ARHGAP24: variants seen among roughly 807,000 people sequenced by gnomAD.
The protein encoded by ARHGAP24 is rho GTPase-activating protein 24.
A neutral mutation model predicts 76.4 loss-of-function variants in ARHGAP24; 50 were observed. That is an observed-to-expected ratio of 0.65 (90% CI 0.52 to 0.83). ARHGAP24 has a LOEUF of 0.83. Among genes scored for constraint, ARHGAP24 ranks in the 40% least tolerant of loss-of-function variants. The probability of loss-of-function intolerance (pLI) is 0.00; values close to 1 mark genes in which losing one functional copy is unlikely to be tolerated. For synonymous variants in ARHGAP24, 345 were observed against 323.3 expected, an observed-to-expected ratio of 1.07 and a Z score of -0.72; for missense variants, 930 against 914.2, an observed-to-expected ratio of 1.02 and a Z score of -0.22.
chr4:85,780,626 G>T (rs539395653), intron 3 of ARHGAP24, among the ~76,000 whole-genome samples: 1 of 151,882 alleles, frequency 6.6e-6, no homozygotes, highest in African/African-American at 2.4e-5. Context: ...TGATTATTTT[G>T]TGCTGGGAGC....
rs1175813412 is a variant in ARHGAP24 at position 85,805,769 on chromosome 4, G to C, written c.268+83797G>C. On this transcript the variant is annotated intron_variant, in intron 3 of 9. Transcript: ENST00000395184. ...TCATTAACTTTTCCTGCTCCACAAA[G>C]AATGATGTTGATCAACTTTGAGCTT... Among the ~76,000 whole-genome samples, 3 of 152,274 alleles carry C rather than the reference G, an allele frequency of 2.0e-5. No homozygotes were observed. The East Asian group carries it at 5.8e-4, about 29-fold the overall frequency.
chr4:85,689,669 G>C (rs771886889), intron 2 of ARHGAP24, among the ~76,000 whole-genome samples: 6 of 152,150 alleles, frequency 3.9e-5, no homozygotes, highest in Non-Finnish European at 7.4e-5. Flanking sequence ...GATTACAGAC[G>C]TGAGCCAGCA....
chr4:85,924,169 A>G (rs750024581), intron 4 of ARHGAP24, among the ~76,000 whole-genome samples: 19 of 152,224 alleles, frequency 1.2e-4, no homozygotes, highest in Non-Finnish European at 1.6e-4. Context: ...GCTCAATTGT[A>G]TCAAAGAGGA....
chr4:85,915,225 G>A (rs1735312913), intron 3 of ARHGAP24, among the ~76,000 whole-genome samples: 1 of 152,146 alleles, frequency 6.6e-6, no homozygotes, highest in Non-Finnish European at 1.5e-5. Flanking sequence ...TCTTTGACAT[G>A]CTCAGCACAA....
chr4:85,518,824 CAT>C (rs1254708943), intron 1 of ARHGAP24, among the ~76,000 whole-genome samples: 8 of 152,286 alleles, frequency 5.3e-5, no homozygotes, highest in Admixed American at 1.3e-4. Context: ...CTGCTATAAA[CAT>C]GTGTGTGCAA....
At chr4:85,718,824 T>C (rs1250586132) in intron 2 of ARHGAP24, among the ~76,000 whole-genome samples, 1 of 152,170 alleles carries the variant, frequency 6.6e-6, no homozygotes, top group Admixed American at 6.6e-5. Context: ...GTTTCACATA[T>C]ACAAAAAGGA....
chr4:85,967,179 A>G (rs1279092517), intron 5 of ARHGAP24, among the ~76,000 whole-genome samples: 1 of 152,182 alleles, frequency 6.6e-6, no homozygotes, highest in African/African-American at 2.4e-5. Flanking sequence ...CAGGAAATAT[A>G]AAGAACATTC....
chr4:85,695,455 G>T (rs1236423942), intron 2 of ARHGAP24, among the ~76,000 whole-genome samples: 2 of 152,154 alleles, frequency 1.3e-5, no homozygotes, highest in African/African-American at 4.8e-5. Flanking sequence ...TAATAAGAAT[G>T]CTCAATCATA....
intron 3 of ARHGAP24, among the ~76,000 whole-genome samples, chr4:85,744,393 C>T (rs941466773): frequency 6.6e-6 from 1 of 152,132 alleles, no homozygotes; most frequent in Non-Finnish European, 1.5e-5. Context: ...TAATCTCAGT[C>T]ACATACTCAC....
At chr4:85,699,775 G>C (rs1724005324) in intron 2 of ARHGAP24, among the ~76,000 whole-genome samples, 1 of 151,930 alleles carries the variant, frequency 6.6e-6, no homozygotes, top group East Asian at 1.9e-4. Flanking sequence ...TATTCATTTT[G>C]TGTATTGTTT....
rs943267499 is a variant in ARHGAP24 at position 85,942,562 on chromosome 4, T to C, written c.599+289T>C. 2.2e-5 allele frequency: 7 copies of C among 321,118 alleles called. No homozygotes were observed. The Admixed American group carries it at 3.1e-4, about 14-fold the overall frequency. 19.9% of individuals were successfully genotyped at this position (321,118 alleles called of 1,614,324 possible). Reference sequence around the variant, plus strand: ...TTTTGCACTGGAAAAAGTGAATTTATAAAATAGGATTCTTCTCTTGCTTAA... The same window carrying C: ...TTTTGCACTGGAAAAAGTGAATTTACAAAATAGGATTCTTCTCTTGCTTAA... On this transcript the variant is annotated intron_variant, in intron 5 of 9. Transcript: ENST00000395184.
At chr4:85,887,807 G>T (rs1048730248) in intron 3 of ARHGAP24, among the ~76,000 whole-genome samples, 1 of 152,126 alleles carries the variant, frequency 6.6e-6, no homozygotes, top group Non-Finnish European at 1.5e-5. Context: ...TATGACAAGT[G>T]AGGTCATAGG....
intron 2 of ARHGAP24, among the ~76,000 whole-genome samples, chr4:85,682,130 A>G (rs1428139872): frequency 6.6e-6 from 1 of 152,206 alleles, no homozygotes; most frequent in East Asian, 1.9e-4. Context: ...CCTTTCTGGA[A>G]GCATTGACCA....
intron 1 of ARHGAP24, among the ~76,000 whole-genome samples, chr4:85,527,331 T>C (rs1313889213): frequency 6.6e-6 from 1 of 152,152 alleles, no homozygotes; most frequent in Non-Finnish European, 1.5e-5. Context: ...CTGTTTTGGA[T>C]GTCAGTTATG....
intron 8 of ARHGAP24, among the ~76,000 whole-genome samples, chr4:85,984,819 T>C (rs1415815412): frequency 2.0e-5 from 3 of 152,150 alleles, no homozygotes; most frequent in Non-Finnish European, 4.4e-5. Context: ...ACAACTCTTT[T>C]ATTTTACTAC....
intron 2 of ARHGAP24, among the ~76,000 whole-genome samples, chr4:85,645,104 G>A (rs765433087): frequency 1.3e-5 from 2 of 152,038 alleles, no homozygotes; most frequent in Non-Finnish European, 2.9e-5. Flanking sequence ...GTGGACATCT[G>A]TTCATTTTTA....
intron 3 of ARHGAP24, among the ~76,000 whole-genome samples, chr4:85,904,728 C>T (rs1295040332): frequency 1.3e-5 from 2 of 152,082 alleles, no homozygotes; most frequent in African/African-American, 4.8e-5. Context: ...TTTGTGTGTT[C>T]TTTATTGGAT....
intron 2 of ARHGAP24, among the ~76,000 whole-genome samples, chr4:85,687,132 A>G (rs1353824560): frequency 3.3e-5 from 5 of 152,146 alleles, no homozygotes; most frequent in African/African-American, 1.2e-4. Flanking sequence ...GGATAGATAG[A>G]TAATTTTAAT....
intron 1 of ARHGAP24, among the ~76,000 whole-genome samples, chr4:85,565,244 G>A (rs1726794206): frequency 6.6e-6 from 1 of 151,912 alleles, no homozygotes; most frequent in Non-Finnish European, 1.5e-5. Context: ...TTGGCTCTCT[G>A]CAGTTATATA....
Sources: gnomAD v4.1 joint callset for allele counts (sites outside exome capture counted in the v4.1 genomes callset) on GRCh38, gnomAD v4.1.1 for gene constraint, MANE v1.5 for transcripts, NCBI Gene and HGNC (gene_info 2026-07-23, HGNC 2026-07-21) for gene names.